DPP10: variants seen among roughly 807,000 people sequenced by gnomAD.
DPP10 encodes the protein dipeptidyl peptidase like 10.
Under a neutral mutation model 120.9 loss-of-function variants are expected in DPP10, and 33 were observed. The ratio of observed to expected loss-of-function variants is 0.27; its 90% CI spans 0.21 to 0.37. DPP10 has a LOEUF of 0.37. Among genes scored for constraint, DPP10 ranks in the 10% least tolerant of loss-of-function variants. The probability of loss-of-function intolerance (pLI) is 1.00; values close to 1 mark genes in which losing one functional copy is unlikely to be tolerated. For missense variants in DPP10, 816 were observed against 942.8 expected (o/e 0.87, Z 1.76); for synonymous variants, 337 against 326.1 (o/e 1.03, Z -0.36).
At chr2:114,866,758 G>C (rs957799825) in intron 1 of DPP10, among the ~76,000 whole-genome samples, 2 of 152,194 alleles carry the variant, frequency 1.3e-5, no homozygotes, top group Non-Finnish European at 1.5e-5. Context: ...GCAGCATTTA[G>C]TAGCCTGTAA....
chr2:115,348,467 A>C (rs2063820806), intron 3 of DPP10, among the ~76,000 whole-genome samples: 2 of 152,036 alleles, frequency 1.3e-5, no homozygotes, highest in Non-Finnish European at 2.9e-5. Flanking sequence ...TTTTTCAATA[A>C]ATGCATGTGT....
chr2:114,674,255 A>C (rs1195131183), intron 1 of DPP10, among the ~76,000 whole-genome samples: 1 of 151,960 alleles, frequency 6.6e-6, no homozygotes, highest in African/African-American at 2.4e-5. Context: ...ATACATATAT[A>C]TCCTATTTGT....
chr2:114,918,522 G>A (rs751734639), intron 1 of DPP10, among the ~76,000 whole-genome samples: 40 of 152,246 alleles, frequency 2.6e-4, no homozygotes, highest in Middle Eastern at 3.4e-3. Flanking sequence ...ACCTTTCACA[G>A]TAGCAGGGAC....
At chr2:114,557,783 A>G (rs1042241450) in intron 1 of DPP10, among the ~76,000 whole-genome samples, 3 of 152,158 alleles carry the variant, frequency 2.0e-5, no homozygotes, top group African/African-American at 7.2e-5. Context: ...AAGTGTGGGT[A>G]ATTTTCAAGT....
At chr2:114,682,750 ATCTATCTATCTATCTGTCTG>A (rs1699108243) in intron 1 of DPP10, among the ~76,000 whole-genome samples, 1 of 144,754 alleles carries the variant, frequency 6.9e-6, no homozygotes, top group Non-Finnish European at 1.5e-5. Flanking sequence ...TTTTATATCT[ATCTATCTATCTATCTGTCTG>A]TCTATCTATC....
At chr2:114,862,259 A>C (rs1247777394) in intron 1 of DPP10, among the ~76,000 whole-genome samples, 1 of 106,682 alleles carries the variant, frequency 9.4e-6, no homozygotes. Context: ...GCCATCACAT[A>C]CAACTGTCCA....
intron 1 of DPP10, among the ~76,000 whole-genome samples, chr2:114,939,420 A>T (rs1447765144): frequency 1.3e-5 from 2 of 152,098 alleles, no homozygotes; most frequent in East Asian, 3.9e-4. Flanking sequence ...TCCTCCATTT[A>T]CTATCTTGTT....
chr2:114,550,388 G>A (rs1158767546), intron 1 of DPP10, among the ~76,000 whole-genome samples: 1 of 152,218 alleles, frequency 6.6e-6, no homozygotes, highest in African/African-American at 2.4e-5. Flanking sequence ...TGGGTGATGT[G>A]TATTTTTATT....
At chr2:115,020,448 A>C (rs1409090673) in intron 1 of DPP10, among the ~76,000 whole-genome samples, 2 of 152,198 alleles carry the variant, frequency 1.3e-5, no homozygotes, top group African/African-American at 4.8e-5. Flanking sequence ...GAAATAGTCC[A>C]ACAGGAAAAT....
At chr2:115,018,835 C>T (rs562612482) in intron 1 of DPP10, among the ~76,000 whole-genome samples, 8 of 152,140 alleles carry the variant, frequency 5.3e-5, no homozygotes, top group Non-Finnish European at 8.8e-5. Flanking sequence ...GCATTCTGCA[C>T]GTGTATCCCA....
chr2:114,667,495 T>C (rs1356524762), intron 1 of DPP10, among the ~76,000 whole-genome samples: 1 of 152,162 alleles, frequency 6.6e-6, no homozygotes, highest in Non-Finnish European at 1.5e-5. Flanking sequence ...CTTCTTAATA[T>C]ACAGGGCTTA....
intron 5 of DPP10, among the ~76,000 whole-genome samples, chr2:115,662,618 T>A (rs191280899): frequency 2.6e-5 from 4 of 152,228 alleles, no homozygotes; most frequent in Admixed American, 6.5e-5. Context: ...TTGGTCATTA[T>A]GAGAAAGAAA....
chr2:115,384,707 AAAG>A (rs139572526), intron 3 of DPP10, among the ~76,000 whole-genome samples: 6,990 of 148,496 alleles, frequency 0.047, 192 homozygotes, highest in South Asian at 0.068. Flanking sequence ...AAGAAAGAAG[AAAG>A]AAGAAGAAGA....
rs554222200 is a variant in DPP10 at position 115,546,042 on chromosome 2, C to T, written c.441+20070C>T. 5.9e-5 allele frequency among the ~76,000 whole-genome samples: 9 copies of T among 152,214 alleles called. No individual in the cohort carries two copies. The South Asian group carries it at 1.4e-3, about 25-fold the overall frequency. The stretch of plus-strand genomic sequence containing the variant: ...AAAGGCAAGAGGAAGCTCTGAGCAA[C>T]GCCTAGATTTAGGAATGACTGACCC... On this transcript the variant is annotated intron_variant, in intron 5 of 25. Transcript: ENST00000410059.
chr2:115,120,555 G>A (rs1290390278), intron 1 of DPP10, among the ~76,000 whole-genome samples: 4 of 152,190 alleles, frequency 2.6e-5, no homozygotes, highest in Admixed American at 6.5e-5. Context: ...AACTCTGTAT[G>A]TTCCCATGCC....
chr2:115,287,183 G>A (rs984653512), intron 1 of DPP10, among the ~76,000 whole-genome samples: 1 of 152,092 alleles, frequency 6.6e-6, no homozygotes, highest in Non-Finnish European at 1.5e-5. Flanking sequence ...AAGCAGTGGA[G>A]GCTTTTGCTG....
chr2:115,493,170 A>T (rs1056327982), intron 3 of DPP10, among the ~76,000 whole-genome samples: 2 of 152,020 alleles, frequency 1.3e-5, no homozygotes, highest in African/African-American at 2.4e-5. Context: ...TGTTGAATTG[A>T]TTGGGCTGTG....
intron 1 of DPP10, among the ~76,000 whole-genome samples, chr2:115,017,542 A>T (rs1028761104): frequency 1.3e-5 from 2 of 152,144 alleles, no homozygotes; most frequent in East Asian, 3.9e-4. Flanking sequence ...TGCTATAAAG[A>T]CACATGCATG....
At chr2:114,868,943 A>T (rs1049093054) in intron 1 of DPP10, among the ~76,000 whole-genome samples, 1 of 152,138 alleles carries the variant, frequency 6.6e-6, no homozygotes, top group Non-Finnish European at 1.5e-5. Context: ...AAGACTGGGG[A>T]AATAAGAATG....
Sources: allele counts gnomAD v4.1 joint callset (sites outside exome capture counted in the v4.1 genomes callset), GRCh38; gene constraint gnomAD v4.1.1; transcripts MANE v1.5; gene names NCBI Gene and HGNC (gene_info 2026-07-23, HGNC 2026-07-21).